BATF2: variants seen among roughly 807,000 people sequenced by gnomAD.
BATF2 encodes basic leucine zipper transcriptional factor ATF-like 2.
A neutral mutation model predicts 7.3 loss-of-function variants in BATF2; 4 were observed. That is an observed-to-expected ratio of 0.55 (90% CI 0.27 to 1.26). BATF2 has a LOEUF of 1.26. BATF2 is among the 50% of genes most tolerant of loss of function. The probability of loss-of-function intolerance (pLI) is 0.11; values close to 1 mark genes in which losing one functional copy is unlikely to be tolerated. For missense variants in BATF2, 295 were observed against 340.5 expected, an observed-to-expected ratio of 0.87 and a Z score of 1.05; for synonymous variants, 152 against 153.9, an observed-to-expected ratio of 0.99 and a Z score of 0.09.
chr11:64,992,252 G>C (rs1013857248), intron 2 of BATF2, among the ~76,000 whole-genome samples: 2 of 152,006 alleles, frequency 1.3e-5, no homozygotes. Context: ...TTTTAGTAGA[G>C]ATGGGGTTTT....
At position 64,988,171 on chromosome 11, in the gene BATF2, G is replaced by A. The variant is rs112949144; in HGVS notation, c.*958C>T. 968 of 152,358 alleles carry A rather than the reference G, an allele frequency of 6.4e-3. 9 individuals are homozygous for A. The highest frequency in any genetic ancestry group is 0.011 in the Non-Finnish European group (779 of 68,118). The allele number at this position is 152,358 out of a possible 1,614,324, so 9.4% of individuals were successfully genotyped here. A position where few individuals can be genotyped will look rare whatever the true frequency, so the allele number is the denominator to read the frequency against. ...AAACTGAACTTCCACCCGGTCATGG[G>A]CCCTGCTCTTCCTGCTGTCAGCCTA... On this transcript the variant is annotated 3_prime_UTR_variant, in exon 3 of 3. Transcript: ENST00000301887.
chr11:64,996,963 G>A lies in BATF2; in HGVS notation c.-49C>T. ...GTCCCTCAGCAGCTGTGACTTCCCA[G>A]TGCCCTCTGGAGGCCTAAGGAAGTG... On this transcript the variant is annotated 5_prime_UTR_variant, in exon 1 of 3. Coordinates refer to ENST00000301887, the MANE Select transcript of BATF2 (RefSeq NM_138456.4). 3.3e-6 allele frequency: 5 copies of A among 1,527,560 alleles called. No homozygotes were observed. Among genetic ancestry groups the A allele is most frequent in the Non-Finnish European group, 4.4e-6 (5 of 1,134,028 alleles). 94.6% of individuals were successfully genotyped at this position (1,527,560 alleles called of 1,614,324 possible).
chr11:64,989,753 C>A lies in BATF2; in HGVS notation c.201G>T (p.Gln67His). The part of the protein sequence containing the change: ...LALRKEIQSL[Q>H]AELAWWSRTL... Reference sequence around the variant, plus strand: ...TCCGGCTCCACCACGCCAGCTCGGCCTGCAGGGACTGGATCTCCTTCCGCA... The same window carrying A: ...TCCGGCTCCACCACGCCAGCTCGGCATGCAGGGACTGGATCTCCTTCCGCA... Residue 67 changes from glutamine to histidine, a missense_variant, in exon 3 of 3, where the codon CAG becomes CAT. By Grantham distance (24) the Gln-to-His change is conservative. Transcript: ENST00000301887. This position sits in a 1 kb window ranked among gnomAD's most constrained non-coding sequence, Gnocchi z 4.3. The A allele has an allele frequency of 6.2e-7, 1 of 1,614,034 alleles. No individual in the cohort carries two copies. Among genetic ancestry groups the A allele is most frequent in the Non-Finnish European group, 8.5e-7 (1 of 1,180,024 alleles).
At chr11:64,994,352 T>G in intron 2 of BATF2, 96 bp downstream of exon 2, 4 of 1,184,734 alleles carry the variant, frequency 3.4e-6, no homozygotes, top group South Asian at 1.4e-5. Flanking sequence ...AATACAGGAG[T>G]TTGGGGGAGG....
At chr11:64,993,965 A>G (rs566746731) in intron 2 of BATF2, among the ~76,000 whole-genome samples, 1 of 152,068 alleles carries the variant, frequency 6.6e-6, no homozygotes, top group African/African-American at 2.4e-5. Flanking sequence ...CCAGCTAACT[A>G]TTTTTTAATT....
At chr11:64,993,810 T>C (rs1435571448) in intron 2 of BATF2, among the ~76,000 whole-genome samples, 1 of 152,048 alleles carries the variant, frequency 6.6e-6, no homozygotes, top group Non-Finnish European at 1.5e-5. Flanking sequence ...ACTTTTTTTT[T>C]TCTATAGACA....
intron 1 of BATF2, among the ~76,000 whole-genome samples, chr11:64,996,322 G>A (rs1239772489): frequency 2.0e-5 from 3 of 152,014 alleles, no homozygotes; most frequent in Non-Finnish European, 4.4e-5. Flanking sequence ...AGTGACATGA[G>A]CTCAGCTTAC....
At position 64,989,001 on chromosome 11, in the gene BATF2, G is replaced by T; in HGVS notation, c.*128C>A. The stretch of plus-strand genomic sequence containing the variant: ...AGGCATCAGTGGTGGCTTCCTTTTC[G>T]ACTGTGAAATCCTGGGCCAGCTGGT... On this transcript the variant is annotated 3_prime_UTR_variant, in exon 3 of 3. Coordinates refer to ENST00000301887, the MANE Select transcript of BATF2 (RefSeq NM_138456.4). This position sits in a 1 kb window ranked among gnomAD's most constrained non-coding sequence, Gnocchi z 4.3. The T allele has an allele frequency of 9.6e-7, 1 of 1,039,804 alleles. No homozygotes were observed. Among genetic ancestry groups the T allele is most frequent in the Non-Finnish European group, 1.5e-6 (1 of 688,088 alleles). 64.4% of individuals were successfully genotyped at this position (1,039,804 alleles called of 1,614,324 possible). A position where few individuals can be genotyped will look rare whatever the true frequency, so the allele number is the denominator to read the frequency against.
At chr11:64,996,197 G>T (rs1035978953) in intron 1 of BATF2, among the ~76,000 whole-genome samples, 1 of 151,694 alleles carries the variant, frequency 6.6e-6, no homozygotes, top group African/African-American at 2.4e-5. Flanking sequence ...CTGACCTCAG[G>T]TGATCTGCCC....
chr11:64,996,898 C>A lies in BATF2; in HGVS notation c.17G>T (p.Gly6Val). 1 of 1,607,144 alleles carries A rather than the reference C, an allele frequency of 6.2e-7. No individual in the cohort carries two copies. Among genetic ancestry groups the A allele is most frequent in the Non-Finnish European group, 8.5e-7 (1 of 1,176,702 alleles). Reference protein sequence around the residue: MHLCGGNGLLTQTDPK... With the variant: MHLCGVNGLLTQTDPK... Reference sequence around the variant, plus strand: ...CACTGTCTGGGTCAGCAGCCCATTGCCCCCACAGAGGTGCATGGCTTAGGC... The same window carrying A: ...CACTGTCTGGGTCAGCAGCCCATTGACCCCACAGAGGTGCATGGCTTAGGC... Residue 6 changes from glycine (G) to valine (V), a missense_variant, in exon 1 of 3, where the codon GGC (glycine) becomes GTC (valine). Physicochemically the swap from Gly to Val is moderately radical, Grantham distance 109 (BLOSUM62 -3). Transcript: ENST00000301887.
intron 2 of BATF2, 74 bp downstream of exon 2, chr11:64,994,374 G>A: frequency 7.1e-7 from 1 of 1,409,004 alleles, no homozygotes; most frequent in South Asian, 1.2e-5. Context: ...CTGCTCAAAG[G>A]TGGGATGGAG....
Position 64,989,893 on chromosome 11 carries a change from C to A in BATF2, c.142-81G>T, listed in dbSNP as rs1302285892. Reference sequence around the variant, plus strand: ...CATGAGCCTTAGCCCCTTCCAGGGTCCTCAACTTCAGGAGAAAGATGCCAC... The same window carrying A: ...CATGAGCCTTAGCCCCTTCCAGGGTACTCAACTTCAGGAGAAAGATGCCAC... On this transcript the variant is annotated intron_variant, in intron 2 of 2. Transcript: ENST00000301887. The surrounding 1 kb of genome is among the most constrained non-coding windows in gnomAD (Gnocchi z 4.3). 1 of 1,517,596 alleles carries A rather than the reference C, an allele frequency of 6.6e-7. No homozygotes were observed. Among genetic ancestry groups the A allele is most frequent in the Non-Finnish European group, 9.0e-7 (1 of 1,111,764 alleles). The allele number at this position is 1,517,596 out of a possible 1,614,324, so 94.0% of individuals were successfully genotyped here. A position where few individuals can be genotyped will look rare whatever the true frequency, so the allele number is the denominator to read the frequency against.
intron 2 of BATF2, among the ~76,000 whole-genome samples, chr11:64,992,753 C>T (rs557303113): frequency 3.2e-4 from 48 of 151,530 alleles, no homozygotes; most frequent in African/African-American, 1.1e-3. Flanking sequence ...CTCAGCTACT[C>T]GGGAGACTGA....
chr11:64,990,430 T>C (rs1946066968), intron 2 of BATF2: 1 of 1,337,670 alleles, frequency 7.5e-7, no homozygotes, highest in Non-Finnish European at 9.6e-7. Context: ...GATTGCTTAT[T>C]GCCACTGCCC....
rs1946062227 is a variant in BATF2, at chr11:64,989,985, A to G, written c.142-173T>C. On this transcript the variant is annotated intron_variant, in intron 2 of 2. Coordinates refer to ENST00000301887, the MANE Select transcript of BATF2 (RefSeq NM_138456.4). This position sits in a 1 kb window ranked among gnomAD's most constrained non-coding sequence, Gnocchi z 4.3. ...GGCCAGCCCTTCATAACCACCTACC[A>G]AGTCTCCCCTGTCCCACCCTCTGAA... 1.3e-6 allele frequency: 2 copies of G among 1,502,474 alleles called. No individual in the cohort carries two copies. Among genetic ancestry groups the G allele is most frequent in the Non-Finnish European group, 1.8e-6 (2 of 1,106,712 alleles). The allele number at this position is 1,502,474 out of a possible 1,614,324, so 93.1% of individuals were successfully genotyped here. A position where few individuals can be genotyped will look rare whatever the true frequency, so the allele number is the denominator to read the frequency against.
chr11:64,996,279 C>CA (rs1946109396), intron 1 of BATF2, among the ~76,000 whole-genome samples: 1 of 150,952 alleles, frequency 6.6e-6, no homozygotes, highest in South Asian at 2.1e-4. Context: ...TTTATTGAGA[C>CA]AGAGTCTCTC....
In BATF2 at chr11:64,989,986, A is replaced by AAGGG; in HGVS notation, c.142-175_142-174insCCCT. 4 of 1,506,240 alleles carry AAGGG rather than the reference A, an allele frequency of 2.7e-6. No individual in the cohort carries two copies. The highest frequency in any genetic ancestry group is 3.6e-6 in the Non-Finnish European group (4 of 1,110,134). The allele number at this position is 1,506,240 out of a possible 1,614,324, so 93.3% of individuals were successfully genotyped here. A position where few individuals can be genotyped will look rare whatever the true frequency, so the allele number is the denominator to read the frequency against. On this transcript the variant is annotated intron_variant, in intron 2 of 2. Coordinates refer to ENST00000301887, the MANE Select transcript of BATF2 (RefSeq NM_138456.4). This position sits in a 1 kb window ranked among gnomAD's most constrained non-coding sequence, Gnocchi z 4.3. Reference sequence around the variant, plus strand: ...GCCAGCCCTTCATAACCACCTACCAAGTCTCCCCTGTCCCACCCTCTGAAG... The same window carrying AAGGG: ...GCCAGCCCTTCATAACCACCTACCAAAGGGGTCTCCCCTGTCCCACCCTCTGAAG...
In BATF2 at chr11:64,994,545, G is replaced by T; in HGVS notation, c.44C>A (p.Pro15His). Residue 15 changes from proline (P) to histidine (H), a missense_variant, in exon 2 of 3, where the codon CCC (proline) becomes CAC (histidine). Physicochemically the swap from Pro to His is moderately conservative, Grantham distance 77. Transcript: ENST00000301887. ...CTTCAGCTGCCTTTGTTGCTCCTTG[G>T]GGTCCTGTGGGGCATGAGGCAGAGG... Reference protein sequence around the residue: ...GGNGLLTQTDPKEQQRQLKKQ... With the variant: ...GGNGLLTQTDHKEQQRQLKKQ... The T allele has an allele frequency of 6.3e-7, 1 of 1,597,250 alleles. No homozygotes were observed. The highest frequency in any genetic ancestry group is 8.5e-7 in the Non-Finnish European group (1 of 1,172,132).
At chr11:64,992,179 A>C (rs973558177) in intron 2 of BATF2, among the ~76,000 whole-genome samples, 1 of 152,108 alleles carries the variant, frequency 6.6e-6, no homozygotes, top group Non-Finnish European at 1.5e-5. Flanking sequence ...TAGCTACCAC[A>C]TCCCTGTAAT....
Sources: gnomAD v4.1 joint callset for allele counts (sites outside exome capture counted in the v4.1 genomes callset) on GRCh38, gnomAD v4.1.1 for gene constraint, Gnocchi (gnomAD v3.1) non-coding constraint, MANE v1.5 for transcripts, NCBI Gene and HGNC (gene_info 2026-07-23, HGNC 2026-07-21) for gene names.